PLEKHA7: variants seen among roughly 807,000 people sequenced by gnomAD.
PLEKHA7 encodes the protein pleckstrin homology domain-containing family A member 7.
In PLEKHA7, 104 loss-of-function variants were observed where a neutral mutation model predicts 170.0. The observed-to-expected ratio is 0.61, with a 90% CI of 0.52 to 0.72. The LOEUF is 0.72. PLEKHA7 is among the 30% of genes least tolerant of loss of function. PLEKHA7 has a pLI of 0.00. For missense variants in PLEKHA7, 1,615 were observed against 1,671.7 expected, an observed-to-expected ratio of 0.97 and a Z score of 0.59; for synonymous variants, 648 against 660.8, an observed-to-expected ratio of 0.98 and a Z score of 0.30.
At chr11:16,904,162 G>A (rs903837727) in intron 3 of PLEKHA7, among the ~76,000 whole-genome samples, 6 of 152,206 alleles carry the variant, frequency 3.9e-5, no homozygotes, top group Admixed American at 6.5e-5. Context: ...TTATTCTTAC[G>A]TGCTATCATT....
chr11:16,786,172 G>C, intron 24 of PLEKHA7, 57 bp downstream of exon 24: 3 of 1,523,400 alleles, frequency 2.0e-6, no homozygotes, highest in Non-Finnish European at 2.6e-6. Flanking sequence ...GGTGGATCAG[G>C]CTGGGAACTT....
chr11:16,841,650 T>A lies in PLEKHA7; in HGVS notation c.769A>T (p.Met257Leu), dbSNP rs745602299. 1 of 1,614,198 alleles carries A rather than the reference T, an allele frequency of 6.2e-7. No individual in the cohort carries two copies. Among genetic ancestry groups the A allele is most frequent in the Admixed American group, 1.7e-5 (1 of 60,028 alleles). ...TCGGCACTGAAGTAGTAGGTCCTCA[T>A]GCCTGACTGCTCGGCCTGAGAGCCC... ...TAGSQAEQSG[M>L]RTYYFSADTQ... The change falls in exon 9 of 27, where the codon ATG becomes TTG. Residue 257 changes from methionine (M) to leucine (L), a missense_variant. Transcript: ENST00000531066.
chr11:17,004,409 T>TTA (rs397944312), intron 3 of PLEKHA7, among the ~76,000 whole-genome samples: 7 of 151,536 alleles, frequency 4.6e-5, no homozygotes, highest in African/African-American at 1.7e-4. Flanking sequence ...TTTTTTTTTT[T>TTA]AAGACACTGT....
chr11:16,836,610 C>T (rs191491941), intron 9 of PLEKHA7, among the ~76,000 whole-genome samples: 1 of 152,222 alleles, frequency 6.6e-6, no homozygotes, highest in East Asian at 1.9e-4. Context: ...GTCTGCCTGA[C>T]GAATAATTTT....
intron 9 of PLEKHA7, among the ~76,000 whole-genome samples, chr11:16,836,805 T>G (rs1003108497): frequency 4.0e-5 from 6 of 150,594 alleles, no homozygotes; most frequent in African/African-American, 1.2e-4. Context: ...GCTTTTTTTT[T>G]TTGTTTTTTC....
chr11:16,804,781 C>A (rs1848834309), intron 13 of PLEKHA7, among the ~76,000 whole-genome samples: 1 of 152,250 alleles, frequency 6.6e-6, no homozygotes. Flanking sequence ...CAGCCAAATT[C>A]TGCTCTTCAG....
Position 17,013,970 on chromosome 11 carries a change from G to C in PLEKHA7, c.221+19C>G, listed in dbSNP as rs939301164. ...CCCCCCGCGGCACAGGTGCGAGCGCGGCGGCCCCACTCACTCACTCGATGA... is the reference window on the plus strand; with the variant it reads ...CCCCCCGCGGCACAGGTGCGAGCGCCGCGGCCCCACTCACTCACTCGATGA... On this transcript the variant is annotated intron_variant, in intron 3 of 26. Coordinates refer to ENST00000531066, the MANE Select transcript of PLEKHA7 (RefSeq NM_001329630.2). 1.3e-6 allele frequency: 2 copies of C among 1,531,760 alleles called. No individual in the cohort carries two copies. The highest frequency in any genetic ancestry group is 8.8e-7 in the Non-Finnish European group (1 of 1,140,574). The allele number at this position is 1,531,760 out of a possible 1,614,324, so 94.9% of individuals were successfully genotyped here.
At chr11:16,802,071 G>C (rs1407793797) in intron 15 of PLEKHA7, among the ~76,000 whole-genome samples, 3 of 151,858 alleles carry the variant, frequency 2.0e-5, no homozygotes, top group African/African-American at 7.3e-5. Context: ...ACTCCTTATG[G>C]GATAAACTAA....
intron 4 of PLEKHA7, among the ~76,000 whole-genome samples, chr11:16,861,243 G>T (rs1208726315): frequency 6.6e-6 from 1 of 151,962 alleles, no homozygotes; most frequent in Non-Finnish European, 1.5e-5. Flanking sequence ...AATCATCAAG[G>T]GCTAGGAACA....
intron 3 of PLEKHA7, among the ~76,000 whole-genome samples, chr11:16,961,109 CT>C (rs1195839589): frequency 2.0e-5 from 3 of 152,222 alleles, no homozygotes; most frequent in African/African-American, 7.2e-5. Flanking sequence ...TCATTATCAG[CT>C]TTTTTCCAAA....
chr11:16,842,810 T>TCTC (rs1210988552), intron 8 of PLEKHA7, among the ~76,000 whole-genome samples: 2 of 152,178 alleles, frequency 1.3e-5, no homozygotes, highest in Admixed American at 1.3e-4. Flanking sequence ...CTACTATGTG[T>TCTC]CTCCTAGGTA....
chr11:16,917,789 C>T (rs1858803406), intron 3 of PLEKHA7, among the ~76,000 whole-genome samples: 1 of 152,272 alleles, frequency 6.6e-6, no homozygotes, highest in Admixed American at 6.5e-5. Flanking sequence ...ATCTGGCCCA[C>T]TCCACTATCA....
chr11:16,892,440 T>TG (rs749414406), intron 3 of PLEKHA7, among the ~76,000 whole-genome samples: 6 of 102,426 alleles, frequency 5.9e-5, no homozygotes, highest in African/African-American at 1.6e-4. Flanking sequence ...GTGTGTTTTG[T>TG]TTTGTTTTGT....
intron 23 of PLEKHA7, 139 bp downstream of exon 23, chr11:16,788,957 C>A: frequency 9.2e-7 from 1 of 1,092,152 alleles, no homozygotes; most frequent in Non-Finnish European, 1.3e-6. Flanking sequence ...GGACAAACAG[C>A]CCCGTGGGGT....
intron 9 of PLEKHA7, among the ~76,000 whole-genome samples, chr11:16,837,075 C>G (rs957829196): frequency 3.9e-5 from 6 of 152,244 alleles, no homozygotes; most frequent in African/African-American, 1.4e-4. Flanking sequence ...CCGCCTGCTT[C>G]GGCCTCCCAA....
At chr11:16,807,177 C>T (rs1487639440) in intron 13 of PLEKHA7, 18 of 985,682 alleles carry the variant, frequency 1.8e-5, no homozygotes, top group Non-Finnish European at 2.2e-5. Flanking sequence ...GTGCTGACTT[C>T]TTCAGCACTT....
intron 3 of PLEKHA7, among the ~76,000 whole-genome samples, chr11:16,983,558 T>C (rs1414809120): frequency 6.6e-6 from 1 of 152,176 alleles, no homozygotes; most frequent in Non-Finnish European, 1.5e-5. Flanking sequence ...GGGCTGCTGA[T>C]GTGGCATTTC....
At chr11:16,975,116 G>GA in intron 3 of PLEKHA7, 3 of 490,678 alleles carry the variant, frequency 6.1e-6, no homozygotes, top group Non-Finnish European at 9.2e-6. Flanking sequence ...ACATTCATGT[G>GA]TGCCCCACCA....
intron 13 of PLEKHA7, among the ~76,000 whole-genome samples, chr11:16,809,209 T>G (rs1379039053): frequency 6.6e-6 from 1 of 152,212 alleles, no homozygotes; most frequent in African/African-American, 2.4e-5. Context: ...TATGATTACT[T>G]GGCACCCCAG....
Sources: gnomAD v4.1 joint callset for allele counts (sites outside exome capture counted in the v4.1 genomes callset) on GRCh38, gnomAD v4.1.1 for gene constraint, MANE v1.5 for transcripts, NCBI Gene and HGNC (gene_info 2026-07-23, HGNC 2026-07-21) for gene names.